The following EARS2 variants were observed in gnomAD, a reference collection of about 807,000 sequenced individuals.
The protein encoded by EARS2 is nondiscriminating glutamyl-tRNA synthetase EARS2, mitochondrial.
Under a neutral mutation model 54.1 loss-of-function variants are expected in EARS2, and 50 were observed. The ratio of observed to expected loss-of-function variants is 0.92; its 90% CI spans 0.74 to 1.17. The LOEUF is 1.17. Ranked by LOEUF, EARS2 falls within the 50% of genes most tolerant of loss-of-function variation. The probability of loss-of-function intolerance (pLI) is 0.00; values close to 1 mark genes in which losing one functional copy is unlikely to be tolerated. For synonymous variants in EARS2, 298 were observed against 281.0 expected, an observed-to-expected ratio of 1.06 and a Z score of -0.61; for missense variants, 673 against 675.0, an observed-to-expected ratio of 1.00 and a Z score of 0.03.
chr16:23,541,106 C>T (rs987115878), intron 3 of EARS2, among the ~76,000 whole-genome samples: 2 of 152,186 alleles, frequency 1.3e-5, no homozygotes, highest in African/African-American at 2.4e-5. Flanking sequence ...GGGCAGATCA[C>T]TTGAGGTCAG....
In EARS2 at chr16:23,552,216, C is replaced by G. The variant is rs1363132495; in HGVS notation, c.228G>C (p.Glu76Asp). ...GCACAACGCGAGTCTGATCTGTGTCCTCTAGCCTCAGGATGAAGCTCCCCT... is the reference window on the plus strand; with the variant it reads ...GCACAACGCGAGTCTGATCTGTGTCGTCTAGCCTCAGGATGAAGCTCCCCT... ...KYQGSFILRLEDTDQTRVVPG... is the reference protein window; with the variant it reads ...KYQGSFILRLDDTDQTRVVPG... Residue 76 changes from glutamate (E) to aspartate (D), a missense_variant, in exon 2 of 9, where the codon GAG (glutamate) becomes GAC (aspartate). By Grantham distance (45) the Glu-to-Asp change is conservative. This residue lies in a region of EARS2 where 316 missense variants were observed against 275.2 expected (regional missense o/e 1.15). Coordinates refer to ENST00000449606, the MANE Select transcript of EARS2 (RefSeq NM_001083614.2). 1 of 1,614,214 alleles carries G rather than the reference C, an allele frequency of 6.2e-7. No homozygotes were observed. Among genetic ancestry groups the G allele is most frequent in the Middle Eastern group, 1.6e-4 (1 of 6,062 alleles).
chr16:23,528,126 G>A (rs9933822), intron 7 of EARS2, among the ~76,000 whole-genome samples: 12,718 of 152,174 alleles, frequency 0.084, 958 homozygotes, highest in African/African-American at 0.2. Context: ...ACACTGAATC[G>A]GCGGCACCTT....
At chr16:23,548,769 G>C (rs1003125036) in intron 2 of EARS2, among the ~76,000 whole-genome samples, 4 of 152,130 alleles carry the variant, frequency 2.6e-5, no homozygotes, top group Admixed American at 2.0e-4. Flanking sequence ...CATGACTGGA[G>C]TGAGAACTTG....
intron 2 of EARS2, among the ~76,000 whole-genome samples, chr16:23,545,624 C>T (rs1353374867): frequency 6.6e-6 from 1 of 152,126 alleles, no homozygotes; most frequent in African/African-American, 2.4e-5. Flanking sequence ...GCACCGGAGC[C>T]GATATTCTTA....
At chr16:23,553,089 C>G (rs1965722422) in intron 1 of EARS2, 2 of 374,466 alleles carry the variant, frequency 5.3e-6, no homozygotes, top group Non-Finnish European at 1.1e-5. Flanking sequence ...GATCACGCCT[C>G]TGCACTCCAG....
At chr16:23,531,908 C>T (rs112335653) in intron 5 of EARS2, among the ~76,000 whole-genome samples, 2,232 of 152,230 alleles carry the variant, frequency 0.015, 22 homozygotes, top group South Asian at 0.019. Flanking sequence ...CTCTGCCTCC[C>T]AGGTTCAAGT....
At chr16:23,539,567 T>C (rs1346487589) in intron 3 of EARS2, among the ~76,000 whole-genome samples, 1 of 152,200 alleles carries the variant, frequency 6.6e-6, no homozygotes, top group African/African-American at 2.4e-5. Context: ...CTTTCGCTTA[T>C]TAAACACGTT....
At chr16:23,548,158 C>T (rs1166090538) in intron 2 of EARS2, among the ~76,000 whole-genome samples, 7 of 151,136 alleles carry the variant, frequency 4.6e-5, no homozygotes, top group African/African-American at 7.3e-5. Context: ...GGCATGAACC[C>T]GGGAGGTGGA....
chr16:23,545,664 T>G (rs1475131089), intron 2 of EARS2, among the ~76,000 whole-genome samples: 2 of 152,156 alleles, frequency 1.3e-5, no homozygotes, highest in East Asian at 3.9e-4. Context: ...TTTGTGTTAC[T>G]TAGCCTTTCT....
intron 7 of EARS2, among the ~76,000 whole-genome samples, chr16:23,528,343 G>T (rs1965265186): frequency 1.3e-5 from 2 of 152,204 alleles, no homozygotes; most frequent in Admixed American, 1.3e-4. Flanking sequence ...CTCCCCAATG[G>T]CACTGCAGGG....
rs200139797 is a variant in EARS2 at position 23,552,164 on chromosome 16, T to A, written c.280A>T (p.Met94Leu). The A allele has an allele frequency of 8.1e-6, 13 of 1,613,840 alleles. No homozygotes were observed. The highest frequency in any genetic ancestry group is 1.0e-5 in the Non-Finnish European group (12 of 1,179,860). ...CCAGGCTTACCTGCCCACTCCAGCA[T>A]GTCCTCAATATTCTCCGCTGCCCCA... ...VPGAAENIED[M>L]LEWAGIPPDE... The change falls in exon 2 of 9, where the codon ATG becomes TTG. Residue 94 changes from methionine to leucine, a missense_variant. By Grantham distance (15) the Met-to-Leu change is conservative. Transcript: ENST00000449606.
Position 23,523,424 on chromosome 16 carries a change from A to AAACGG in EARS2, c.*942_*946dup, listed in dbSNP as rs1288310526. ...AAGGACCAGGTCTGGAAGACTGGAA[A>AAACGG]AACGGAACAGATGACGTTTAGGGAA... On this transcript the variant is annotated 3_prime_UTR_variant, in exon 9 of 9. Transcript: ENST00000449606. 1 of 152,272 alleles carries AAACGG rather than the reference A, an allele frequency of 6.6e-6. No individual in the cohort carries two copies. Among genetic ancestry groups the AAACGG allele is most frequent in the Admixed American group, 6.5e-5 (1 of 15,282 alleles). 9.4% of individuals were successfully genotyped at this position (152,272 alleles called of 1,614,324 possible). A position where few individuals can be genotyped will look rare whatever the true frequency, so the allele number is the denominator to read the frequency against.
Position 23,524,027 on chromosome 16 carries a change from G to A in EARS2, c.*344C>T, listed in dbSNP as rs990894401. ...ACCTGGTTCTGTGGCATTTTGTTAT[G>A]GGGGCCCTAGCAAACTGAAACCCAA... On this transcript the variant is annotated 3_prime_UTR_variant, in exon 9 of 9. Coordinates refer to ENST00000449606, the MANE Select transcript of EARS2 (RefSeq NM_001083614.2). 4.4e-6 allele frequency: 1 copy of A among 224,938 alleles called. No individual in the cohort carries two copies. The highest frequency in any genetic ancestry group is 2.3e-5 in the African/African-American group (1 of 43,870). The allele number at this position is 224,938 out of a possible 1,614,324, so 13.9% of individuals were successfully genotyped here. A position where few individuals can be genotyped will look rare whatever the true frequency, so the allele number is the denominator to read the frequency against.
chr16:23,547,329 T>G (rs530593286), intron 2 of EARS2, among the ~76,000 whole-genome samples: 1 of 152,280 alleles, frequency 6.6e-6, no homozygotes, highest in East Asian at 1.9e-4. Context: ...GATCAGTAGT[T>G]GCCAGGTGGT....
At position 23,552,298 on chromosome 16, in the gene EARS2, A is replaced by G; in HGVS notation, c.146T>C (p.Leu49Ser). Residue 49 changes from leucine (L) to serine (S), a missense_variant, in exon 2 of 9, where the codon TTG (leucine) becomes TCG (serine). Leu to Ser is a moderately radical substitution (Grantham distance 145, BLOSUM62 -2). Coordinates refer to ENST00000449606, the MANE Select transcript of EARS2 (RefSeq NM_001083614.2). The part of the protein sequence containing the change: ...VRFAPSPTGF[L>S]HLGGLRTALY... ...GGCAGTGCGGAGGCCACCCAGGTGCAAGAAGCCTGGAGAAGAGAACAGCTC... is the reference window on the plus strand; with the variant it reads ...GGCAGTGCGGAGGCCACCCAGGTGCGAGAAGCCTGGAGAAGAGAACAGCTC... The G allele has an allele frequency of 6.2e-7, 1 of 1,614,152 alleles. No individual in the cohort carries two copies. The highest frequency in any genetic ancestry group is 2.2e-5 in the East Asian group (1 of 44,882).
intron 1 of EARS2, among the ~76,000 whole-genome samples, chr16:23,554,266 C>T (rs1232037365): frequency 6.6e-6 from 1 of 152,062 alleles, no homozygotes; most frequent in Non-Finnish European, 1.5e-5. Context: ...GCAATCCTTA[C>T]ACTTCAGCCT....
chr16:23,542,883 G>C (rs1466684824), intron 3 of EARS2, among the ~76,000 whole-genome samples: 1 of 152,018 alleles, frequency 6.6e-6, no homozygotes, highest in East Asian at 1.9e-4. Flanking sequence ...GGGAGGCTGA[G>C]GTGGGAAGAT....
intron 3 of EARS2, among the ~76,000 whole-genome samples, chr16:23,542,580 C>T (rs1287378843): frequency 1.3e-5 from 2 of 151,982 alleles, no homozygotes; most frequent in Non-Finnish European, 2.9e-5. Flanking sequence ...TCCCAAAGTG[C>T]TGGGATTACA....
chr16:23,525,054 C>T, intron 8 of EARS2, 190 bp downstream of exon 8: 1 of 707,212 alleles, frequency 1.4e-6, no homozygotes, highest in Non-Finnish European at 2.4e-6. Flanking sequence ...ATTGTATTCA[C>T]TGTACCTAAC....
Sources: gnomAD v4.1 joint callset for allele counts (sites outside exome capture counted in the v4.1 genomes callset) on GRCh38, gnomAD v4.1.1 for gene constraint, gnomAD v4.1.1 regional missense constraint, MANE v1.5 for transcripts, NCBI Gene and HGNC (gene_info 2026-07-23, HGNC 2026-07-21) for gene names.